Variants in MRTFB observed in about 807,000 individuals in gnomAD.
MRTFB encodes the protein myocardin-related transcription factor B.
A neutral mutation model predicts 104.2 loss-of-function variants in MRTFB; 29 were observed. The observed-to-expected ratio is 0.28, with a 90% CI of 0.21 to 0.38. The LOEUF is 0.38. MRTFB is among the 10% of genes least tolerant of loss of function. The pLI is 1.00. For missense variants in MRTFB, 1,270 were observed against 1,341.6 expected (o/e 0.95, Z 0.83); for synonymous variants, 535 against 519.5 (o/e 1.03, Z -0.41).
the MRTFB span, among the ~76,000 whole-genome samples, chr16:14,036,096 AT>A: frequency 7.1e-5 from 1 of 14,174 alleles, no homozygotes; most frequent in Non-Finnish European, 1.5e-4. Flanking sequence ...CATCATATAT[AT>A]TATATATATA....
At chr16:14,031,119 C>CGATA in the MRTFB span, among the ~76,000 whole-genome samples, 3 of 152,164 alleles carry the variant, frequency 2.0e-5, no homozygotes, top group Non-Finnish European at 4.4e-5. Flanking sequence ...GGACCAGGTG[C>CGATA]GATAGCTCAT....
intron 2 of MRTFB, among the ~76,000 whole-genome samples, chr16:14,081,539 C>A (rs973749467): frequency 6.6e-6 from 1 of 152,122 alleles, no homozygotes; most frequent in Admixed American, 6.5e-5. Flanking sequence ...ATGATCCACC[C>A]GCCTCGGCCT....
chr16:13,998,871 CAAAAAAAAAAAAAAAAAAAAAAAA>C, the MRTFB span, among the ~76,000 whole-genome samples: 25 of 29,688 alleles, frequency 8.4e-4, 1 homozygote, highest in Admixed American at 4.5e-3. Flanking sequence ...GACTCTGTTT[CAAAAAAAAAAAAAAAAAAAAAAAA>C]AAAAAAAAAA....
At chr16:14,135,783 C>T (rs1455613665) in intron 2 of MRTFB, among the ~76,000 whole-genome samples, 1 of 152,192 alleles carries the variant, frequency 6.6e-6, no homozygotes, top group African/African-American at 2.4e-5. Flanking sequence ...TGCTTTACTG[C>T]ACCAGCCTTA....
intron 2 of MRTFB, among the ~76,000 whole-genome samples, chr16:14,098,189 T>G (rs1210531310): frequency 1.3e-5 from 2 of 152,232 alleles, no homozygotes; most frequent in Non-Finnish European, 2.9e-5. Flanking sequence ...GTCATTTCCT[T>G]TTATATTCCC....
At chr16:14,077,612 A>G (rs1008938107) in intron 1 of MRTFB, among the ~76,000 whole-genome samples, 1 of 151,840 alleles carries the variant, frequency 6.6e-6, no homozygotes, top group African/African-American at 2.4e-5. Flanking sequence ...AAGAATCAAG[A>G]TCATGTTAAG....
chr16:14,183,232 C>T (rs553693383), intron 3 of MRTFB, among the ~76,000 whole-genome samples: 2 of 152,184 alleles, frequency 1.3e-5, no homozygotes, highest in South Asian at 2.1e-4. Context: ...AAATGTATCA[C>T]CAGAACCTAA....
chr16:14,195,444 A>T lies in MRTFB; in HGVS notation c.155-14799A>T, dbSNP rs1352520571. On this transcript the variant is annotated intron_variant, in intron 3 of 16. Transcript: ENST00000571589. ...TGTGTGTATATATATACATAGGTAT[A>T]TGTACAAATGTGTATATGTAAATAT... is the stretch of plus-strand genomic sequence containing the variant. 4.8e-6 allele frequency: 4 copies of T among 835,826 alleles called. No individual in the cohort carries two copies. The African/African-American group carries it at 7.4e-5, about 15-fold the overall frequency. 51.8% of individuals were successfully genotyped at this position (835,826 alleles called of 1,614,324 possible). A position where few individuals can be genotyped will look rare whatever the true frequency, so the allele number is the denominator to read the frequency against.
the MRTFB span, among the ~76,000 whole-genome samples, chr16:14,051,246 G>A: frequency 1.3e-5 from 2 of 150,632 alleles, no homozygotes; most frequent in African/African-American, 2.4e-5. Context: ...ATACAGACAC[G>A]TACCCATAGA....
intron 15 of MRTFB, 78 bp from the exon 16 acceptor site, chr16:14,258,023 G>A: frequency 1.6e-6 from 2 of 1,212,376 alleles, no homozygotes; most frequent in Admixed American, 1.8e-5. Flanking sequence ...CATCTAGAAA[G>A]TCCCTTAGGA....
chr16:14,131,788 AAGAG>A lies in MRTFB; in HGVS notation c.-63-8752_-63-8749del, dbSNP rs899421798. Among the ~76,000 whole-genome samples, 25 of 152,082 alleles carry A rather than the reference AAGAG, an allele frequency of 1.6e-4. No individual in the cohort carries two copies. The East Asian group carries it at 1.7e-3, about 11-fold the overall frequency. The stretch of plus-strand genomic sequence containing the variant: ...AGGATAACTATAATTTAAAAAAAAA[AAGAG>A]AGAATGTGGAGAAGTTGGAACCCCA... On this transcript the variant is annotated intron_variant, in intron 2 of 16. Transcript: ENST00000571589.
At chr16:14,045,765 T>C in the MRTFB span, among the ~76,000 whole-genome samples, 2 of 152,230 alleles carry the variant, frequency 1.3e-5, no homozygotes, top group African/African-American at 4.8e-5. Flanking sequence ...AATGAAATAG[T>C]ACCTCTGTGT....
chr16:14,124,478 G>T (rs929444909), intron 2 of MRTFB, among the ~76,000 whole-genome samples: 5 of 152,300 alleles, frequency 3.3e-5, no homozygotes, highest in South Asian at 2.1e-4. Flanking sequence ...GCATGAAGCG[G>T]TGTTGAATTT....
rs2043859818 is a variant in MRTFB at position 14,263,910 on chromosome 16, G to A, written c.*2466G>A. On this transcript the variant is annotated 3_prime_UTR_variant, in exon 17 of 17. Coordinates refer to ENST00000571589, the MANE Select transcript of MRTFB (RefSeq NM_001308142.2). ...GCCAGGCACCTGTGACACGAGTGCT[G>A]CTCTCCAGGATCTCCACTACATGTT... 2 of 152,204 alleles carry A rather than the reference G, an allele frequency of 1.3e-5. No individual in the cohort carries two copies. Among genetic ancestry groups the A allele is most frequent in the African/African-American group, 4.8e-5 (2 of 41,422 alleles). 9.4% of individuals were successfully genotyped at this position (152,204 alleles called of 1,614,324 possible).
chr16:14,071,467 C>T (rs2033685749), intron 1 of MRTFB, 102 bp downstream of exon 1: 1 of 152,714 alleles, frequency 6.5e-6, no homozygotes, highest in Non-Finnish European at 1.5e-5. Flanking sequence ...ATCCCGCGTC[C>T]CAGGCAGCCA....
intron 9 of MRTFB, among the ~76,000 whole-genome samples, chr16:14,236,373 T>G (rs1461736756): frequency 6.6e-6 from 1 of 152,254 alleles, no homozygotes; most frequent in Non-Finnish European, 1.5e-5. Context: ...ATTCATTTGT[T>G]GAACGGATAC....
At chr16:14,069,823 C>T (rs2033587057), upstream of MRTFB, among the ~76,000 whole-genome samples, 1 of 152,180 alleles carries the variant, frequency 6.6e-6, no homozygotes, top group Non-Finnish European at 1.5e-5. Flanking sequence ...CTCTGGAGAA[C>T]CCTAATACAG....
At chr16:14,075,663 T>G (rs1028580797) in intron 1 of MRTFB, among the ~76,000 whole-genome samples, 1 of 152,248 alleles carries the variant, frequency 6.6e-6, no homozygotes, top group African/African-American at 2.4e-5. Flanking sequence ...GTAGAGCTCC[T>G]TCTCTTCTCA....
the MRTFB span, among the ~76,000 whole-genome samples, chr16:14,038,759 T>C: frequency 1.3e-5 from 2 of 152,176 alleles, no homozygotes; most frequent in African/African-American, 4.8e-5. Flanking sequence ...TGGTTCATGG[T>C]TGTATTAGTC....
Sources: gnomAD v4.1 joint callset for allele counts (sites outside exome capture counted in the v4.1 genomes callset) on GRCh38, gnomAD v4.1.1 for gene constraint, MANE v1.5 for transcripts, NCBI Gene and HGNC (gene_info 2026-07-23, HGNC 2026-07-21) for gene names.